MROH2B: variants seen among roughly 807,000 people sequenced by gnomAD.
The protein encoded by MROH2B is maestro heat-like repeat-containing protein family member 2B.
A neutral mutation model predicts 208.6 loss-of-function variants in MROH2B; 177 were observed. The ratio of observed to expected loss-of-function variants is 0.85; its 90% confidence interval spans 0.75 to 0.96. MROH2B has a LOEUF of 0.96. MROH2B is among the 40% of genes least tolerant of loss of function. MROH2B has a pLI of 0.00. For synonymous variants in MROH2B, 728 were observed against 659.0 expected (o/e 1.10, Z -1.60); for missense variants, 2,002 against 1,878.7 (o/e 1.07, Z -1.21).
chr5:41,032,077 C>T (rs759001670), intron 24 of MROH2B, among the ~76,000 whole-genome samples: 19 of 151,986 alleles, frequency 1.3e-4, no homozygotes, highest in Admixed American at 1.1e-3. Context: ...TTATATTATC[C>T]CCTGGGTATA....
At chr5:41,004,557 GA>G (rs1741512340) in intron 36 of MROH2B, 29 bp from the exon 37 acceptor site, 2 of 1,594,124 alleles carry the variant, frequency 1.3e-6, no homozygotes, top group East Asian at 4.5e-5. Context: ...TCTTAATCTT[GA>G]AAATTGTTCT....
chr5:41,029,866 C>T (rs1371972529), intron 24 of MROH2B, among the ~76,000 whole-genome samples: 2 of 152,076 alleles, frequency 1.3e-5, no homozygotes, highest in South Asian at 2.1e-4. Flanking sequence ...ACTATGCTCA[C>T]TACCTGGGTG....
rs752318583 is a variant in MROH2B, at chr5:41,042,198, C to A, written c.1847G>T (p.Trp616Leu). ...SNNSTEKKFL[W>L]KALGTTLACC... ...TGCTAAGGTGGTTCCCAAGGCTTTCCAAAGGAATTTCTGGAAAACAAAAGA... is the reference window on the plus strand; with the variant it reads ...TGCTAAGGTGGTTCCCAAGGCTTTCAAAAGGAATTTCTGGAAAACAAAAGA... The change falls in exon 19 of 42, where the codon TGG becomes TTG. Residue 616 changes from tryptophan (W) to leucine (L), a missense_variant. Physicochemically the swap from Trp to Leu is moderately conservative, Grantham distance 61. Coordinates refer to ENST00000399564, the MANE Select transcript of MROH2B (RefSeq NM_173489.5). 6 of 1,563,460 alleles carry A rather than the reference C, an allele frequency of 3.8e-6. No homozygotes were observed. The East Asian group carries it at 6.9e-5, about 18-fold the overall frequency.
Position 41,033,041 on chromosome 5 carries a change from C to T in MROH2B, c.2361G>A (p.Leu787=), listed in dbSNP as rs1208911755. 5.0e-6 allele frequency: 8 copies of T among 1,612,764 alleles called. No homozygotes were observed. The highest frequency in any genetic ancestry group is 6.8e-6 in the Non-Finnish European group (8 of 1,179,218). ...TCTTATTCCCTCTCTGCACACTCAC[C>T]AGCATGTAACCAATCAGCATCTCCT... ...SYKEMLIGYM[L]DFIRDEPLDS... Residue 787 remains leucine (L), a splice_region_variant and synonymous_variant, in exon 23 of 42, where the codon CTG becomes CTA. Coordinates refer to ENST00000399564, the MANE Select transcript of MROH2B (RefSeq NM_173489.5).
chr5:41,045,131 G>A (rs966303017), intron 18 of MROH2B, among the ~76,000 whole-genome samples: 1 of 152,150 alleles, frequency 6.6e-6, no homozygotes, highest in Non-Finnish European at 1.5e-5. Context: ...GAGACAGAGG[G>A]ATAGAAGAAC....
rs756063221 is a variant in MROH2B, at chr5:41,033,799, ATCTATCTATCTATCTATCTATC to A, written c.2241+17_2241+38del. 8.7e-5 allele frequency: 104 copies of A among 1,193,924 alleles called. No homozygotes were observed. Among genetic ancestry groups the A allele is most frequent in the Admixed American group, 1.4e-4 (6 of 42,792 alleles). 74.0% of individuals were successfully genotyped at this position (1,193,924 alleles called of 1,614,324 possible). A position where few individuals can be genotyped will look rare whatever the true frequency, so the allele number is the denominator to read the frequency against. ...GGGGGCATTATCTATCTATCTATCT[ATCTATCTATCTATCTATCTATC>A]TATCTATCTCTCCTACCTTGTTCAT... On this transcript the variant is annotated intron_variant, in intron 22 of 41. Coordinates refer to ENST00000399564, the MANE Select transcript of MROH2B (RefSeq NM_173489.5).
chr5:41,016,074 C>T (rs954675077), intron 28 of MROH2B, among the ~76,000 whole-genome samples: 1 of 152,064 alleles, frequency 6.6e-6, no homozygotes, highest in African/African-American at 2.4e-5. Flanking sequence ...CAGCCTAGCC[C>T]AGTGGGACAC....
At chr5:41,063,375 T>C (rs1743700278) in intron 5 of MROH2B, among the ~76,000 whole-genome samples, 2 of 152,204 alleles carry the variant, frequency 1.3e-5, no homozygotes, top group Non-Finnish European at 2.9e-5. Flanking sequence ...CTGTGTGACC[T>C]AAGGCAAGCT....
At chr5:41,061,459 C>T (rs1237827799) in intron 6 of MROH2B, 111 bp downstream of exon 6, 2 of 937,870 alleles carry the variant, frequency 2.1e-6, no homozygotes, top group East Asian at 2.8e-5. Context: ...TCATAAAATA[C>T]AACCAATGGC....
intron 35 of MROH2B, 119 bp downstream of exon 35, chr5:41,005,412 A>AAGC (rs767263568): frequency 0.011 from 2,104 of 191,220 alleles, 75 homozygotes; most frequent in African/African-American, 0.025. Flanking sequence ...TCCTCTATGA[A>AAGC]ACCCCCCCCC....
At chr5:41,012,806 G>A (rs563864391) in intron 29 of MROH2B, 71 bp from the exon 30 acceptor site, 3 of 1,569,954 alleles carry the variant, frequency 1.9e-6, no homozygotes, top group East Asian at 4.5e-5. Flanking sequence ...ACAACATGCT[G>A]TTGTGGTTTG....
intron 11 of MROH2B, among the ~76,000 whole-genome samples, chr5:41,054,353 G>A (rs1161315519): frequency 6.6e-6 from 1 of 152,114 alleles, no homozygotes; most frequent in Non-Finnish European, 1.5e-5. Context: ...GAGTCTGGTT[G>A]GAAAGTAGGA....
intron 24 of MROH2B, 71 bp from the exon 25 acceptor site, chr5:41,019,089 G>T: frequency 5.1e-6 from 8 of 1,581,536 alleles, no homozygotes; most frequent in Non-Finnish European, 6.9e-6. Context: ...GAATTCCCAA[G>T]AACTGCCAAT....
At chr5:41,044,996 G>T (rs920637499) in intron 18 of MROH2B, among the ~76,000 whole-genome samples, 2 of 151,988 alleles carry the variant, frequency 1.3e-5, no homozygotes, top group African/African-American at 4.8e-5. Context: ...TGATGAGTAT[G>T]GTGAGAATCC....
rs561454266 is a variant in MROH2B, at chr5:41,016,008, A to G, written c.2885-530T>C. Among the ~76,000 whole-genome samples, 27 of 152,328 alleles carry G rather than the reference A, an allele frequency of 1.8e-4. No homozygotes were observed. The South Asian group carries it at 5.6e-3, about 32-fold the overall frequency. ...CCTAACCAATAAAGATTTTCTGTTT[A>G]TTATTTGAATGTATATTAATCATGG... On this transcript the variant is annotated intron_variant, in intron 28 of 41. Transcript: ENST00000399564.
In MROH2B at chr5:41,039,552, T is replaced by G. The variant is rs1160471888; in HGVS notation, c.1957A>C (p.Ile653Leu). 2 of 1,573,010 alleles carry G rather than the reference T, an allele frequency of 1.3e-6. No homozygotes were observed. The highest frequency in any genetic ancestry group is 1.7e-6 in the Non-Finnish European group (2 of 1,153,776). The change falls in exon 20 of 42, where the codon ATA becomes CTA. Residue 653 changes from isoleucine to leucine, a missense_variant. By Grantham distance (5) the Ile-to-Leu change is conservative. Coordinates refer to ENST00000399564, the MANE Select transcript of MROH2B (RefSeq NM_173489.5). ...PNQLGDQRQG[I>L]TSILGYCAEN... The stretch of plus-strand genomic sequence containing the variant: ...GCACAGTATCCTAAAATAGATGTTA[T>G]TCCCTAAAATCAGAAAAGGTATGAC...
chr5:41,001,225 AATCTT>A (rs2111788438), intron 37 of MROH2B, among the ~76,000 whole-genome samples: 2 of 152,148 alleles, frequency 1.3e-5, no homozygotes, highest in South Asian at 4.2e-4. Context: ...TGGGACCTCT[AATCTT>A]AATTGTCCAA....
chr5:41,009,396 T>A lies in MROH2B; in HGVS notation c.3304A>T (p.Thr1102Ser), dbSNP rs1741704408. ...TTTTCAGCCAGCGCCTTCCACAATG[T>A]CTTTGTGTCCCTAGGGTGGCAAAGC... is the stretch of plus-strand genomic sequence containing the variant. ...KPLPFDRDTKTLWKALAEKPA... is the reference protein window; with the variant it reads ...KPLPFDRDTKSLWKALAEKPA... Residue 1102 changes from threonine (T) to serine (S), a missense_variant, in exon 32 of 42, where the codon ACA becomes TCA. By Grantham distance (58) the Thr-to-Ser change is moderately conservative. Transcript: ENST00000399564. 6.2e-7 allele frequency: 1 copy of A among 1,613,670 alleles called. No homozygotes were observed. Among genetic ancestry groups the A allele is most frequent in the African/African-American group, 1.3e-5 (1 of 74,912 alleles).
chr5:41,065,489 A>C lies in MROH2B; in HGVS notation c.203T>G (p.Met68Arg). The stretch of plus-strand genomic sequence containing the variant: ...AGCTAGCATTCTGATTTCTCTGAGC[A>C]TCTGAGGAGGAAAAGAAAAATAACA... ...YASKDMRDNN[M>R]LREIRMLAGE... The change falls in exon 4 of 42, where the codon ATG becomes AGG. Residue 68 changes from methionine to arginine, a missense_variant and splice_region_variant. Met to Arg is a moderately conservative substitution (Grantham distance 91, BLOSUM62 -1). Transcript: ENST00000399564. The C allele has an allele frequency of 6.2e-7, 1 of 1,612,202 alleles. No individual in the cohort carries two copies. The highest frequency in any genetic ancestry group is 8.5e-7 in the Non-Finnish European group (1 of 1,179,204).
Sources: gnomAD v4.1 joint callset for allele counts (sites outside exome capture counted in the v4.1 genomes callset) on GRCh38, gnomAD v4.1.1 for gene constraint, MANE v1.5 for transcripts, NCBI Gene and HGNC (gene_info 2026-07-23, HGNC 2026-07-21) for gene names.